Variants in MEGF11 observed in about 807,000 individuals in gnomAD.
The protein encoded by MEGF11 is multiple EGF like domains 11.
MEGF11 carries 126 observed loss-of-function variants against 146.6 expected under a neutral mutation model. The observed-to-expected ratio is 0.86, with a 90% CI of 0.74 to 1.00. The LOEUF (loss-of-function observed/expected upper bound fraction) is 1.00, where lower values mean the gene tolerates loss of function less well. Ranked by LOEUF, MEGF11 falls within the 50% of genes least tolerant of loss-of-function variation. The pLI is 0.00. For missense variants in MEGF11, 1,509 were observed against 1,521.2 expected, an observed-to-expected ratio of 0.99 and a Z score of 0.13; for synonymous variants, 532 against 583.4, an observed-to-expected ratio of 0.91 and a Z score of 1.27.
intron 21 of MEGF11, chr15:65,910,104 G>A (rs1344823357): frequency 5.4e-6 from 3 of 553,536 alleles, no homozygotes; most frequent in South Asian, 3.2e-5. Flanking sequence ...TTAGCTGGGG[G>A]GTGGGGCTGA....
At chr15:66,246,059 G>A (rs1005045064) in intron 1 of MEGF11, among the ~76,000 whole-genome samples, 2 of 151,914 alleles carry the variant, frequency 1.3e-5, no homozygotes, top group Non-Finnish European at 2.9e-5. Flanking sequence ...TCAGGAGTTC[G>A]AGACCAGGCC....
intron 5 of MEGF11, among the ~76,000 whole-genome samples, chr15:66,022,667 A>T (rs761488192): frequency 2.6e-5 from 4 of 151,390 alleles, no homozygotes; most frequent in Middle Eastern, 3.4e-3. Flanking sequence ...TCCACAAAAA[A>T]TTTTTTAAAA....
intron 10 of MEGF11, among the ~76,000 whole-genome samples, chr15:65,956,667 C>T (rs1425063618): frequency 6.6e-6 from 1 of 152,164 alleles, no homozygotes; most frequent in Non-Finnish European, 1.5e-5. Context: ...CATGCCCTGC[C>T]TTTGAACAGG....
At chr15:65,937,337 A>G (rs1457459933) in intron 10 of MEGF11, among the ~76,000 whole-genome samples, 1 of 151,930 alleles carries the variant, frequency 6.6e-6, no homozygotes, top group African/African-American at 2.4e-5. Flanking sequence ...TAGCCTAGCA[A>G]CTCTGCCTAC....
At position 65,929,874 on chromosome 15, in the gene MEGF11, C is replaced by G; in HGVS notation, c.1418G>C (p.Gly473Ala). 1.9e-6 allele frequency: 3 copies of G among 1,596,912 alleles called. No individual in the cohort carries two copies. The highest frequency in any genetic ancestry group is 1.7e-6 in the Non-Finnish European group (2 of 1,171,920). Residue 473 changes from glycine (G) to alanine (A), a missense_variant, in exon 12 of 26, where the codon GGC (glycine) becomes GCC (alanine). Physicochemically the swap from Gly to Ala is moderately conservative, Grantham distance 60 (BLOSUM62 0). Coordinates refer to ENST00000395614, the MANE Select transcript of MEGF11 (RefSeq NM_001385028.1). ...GSCTCKEGWQ[G>A]LDCTLPCPSG... is the part of the protein sequence containing the mutation. Reference sequence around the variant, plus strand: ...GGGACATGGCAGGGTGCAGTCCAGGCCCTGCCACCCTGAGGGGAGGGAAAG... The same window carrying G: ...GGGACATGGCAGGGTGCAGTCCAGGGCCTGCCACCCTGAGGGGAGGGAAAG...
intron 16 of MEGF11, 77 bp downstream of exon 16, chr15:65,917,889 G>T: frequency 6.3e-7 from 1 of 1,583,294 alleles, no homozygotes. Context: ...CACCAGGACA[G>T]AGAGGTTTTG....
chr15:65,931,655 G>T (rs2079579389), intron 10 of MEGF11, among the ~76,000 whole-genome samples: 1 of 152,194 alleles, frequency 6.6e-6, no homozygotes, highest in South Asian at 2.1e-4. Flanking sequence ...TCTGTATTAG[G>T]TCGAAGAAGC....
At chr15:66,234,691 G>A (rs1429703339) in intron 1 of MEGF11, among the ~76,000 whole-genome samples, 1 of 152,188 alleles carries the variant, frequency 6.6e-6, no homozygotes, top group East Asian at 1.9e-4. Context: ...GAAGATTCTG[G>A]AGCCAGCCTC....
At chr15:65,954,538 G>A (rs547238895) in intron 10 of MEGF11, among the ~76,000 whole-genome samples, 2 of 152,306 alleles carry the variant, frequency 1.3e-5, no homozygotes, top group Admixed American at 6.5e-5. Context: ...GCCTTTCCAG[G>A]AATAACGAGG....
intron 5 of MEGF11, among the ~76,000 whole-genome samples, chr15:66,093,132 G>T (rs2086388344): frequency 6.6e-6 from 1 of 152,150 alleles, no homozygotes; most frequent in Admixed American, 6.5e-5. Flanking sequence ...TGTGGTCACT[G>T]GAGGTCCTAA....
chr15:66,183,044 T>C lies in MEGF11; in HGVS notation c.-8-54633A>G, dbSNP rs2090595050. On this transcript the variant is annotated intron_variant, in intron 1 of 25. Transcript: ENST00000395614. ...TAACGCGATGTTGAGTGAGAAAAGC[T>C]GAAATGGAAGATTTGTAGCACAATA... Among the ~76,000 whole-genome samples the C allele has an allele frequency of 2.0e-5, 3 of 152,160 alleles. No homozygotes were observed. The South Asian group carries it at 6.2e-4, about 32-fold the overall frequency.
At chr15:66,195,153 G>T (rs935216776) in intron 1 of MEGF11, among the ~76,000 whole-genome samples, 1 of 152,168 alleles carries the variant, frequency 6.6e-6, no homozygotes, top group Non-Finnish European at 1.5e-5. Context: ...CTCTATGTCT[G>T]TGTCTTAATC....
chr15:65,967,773 A>T (rs1194307500), intron 8 of MEGF11, among the ~76,000 whole-genome samples: 1 of 152,138 alleles, frequency 6.6e-6, no homozygotes, highest in African/African-American at 2.4e-5. Flanking sequence ...CTTCCCAAGA[A>T]GATGCCACTA....
At chr15:65,968,705 C>G (rs1416744492) in intron 8 of MEGF11, among the ~76,000 whole-genome samples, 1 of 152,132 alleles carries the variant, frequency 6.6e-6, no homozygotes, top group African/African-American at 2.4e-5. Flanking sequence ...AATTAGTTTT[C>G]TACTTAAACA....
intron 4 of MEGF11, among the ~76,000 whole-genome samples, chr15:66,116,910 A>T (rs1000031763): frequency 2.6e-5 from 4 of 152,234 alleles, no homozygotes; most frequent in Non-Finnish European, 5.9e-5. Flanking sequence ...AGAGACAAGC[A>T]GCCTGCCCAA....
intron 5 of MEGF11, among the ~76,000 whole-genome samples, chr15:66,045,840 C>T (rs187487035): frequency 4.6e-5 from 7 of 152,222 alleles, no homozygotes; most frequent in East Asian, 1.9e-4. Flanking sequence ...CGGTGGCTCA[C>T]GACTGTAATC....
chr15:65,918,332 TA>T (rs2079069879), intron 15 of MEGF11, among the ~76,000 whole-genome samples: 1 of 152,232 alleles, frequency 6.6e-6, no homozygotes, highest in Non-Finnish European at 1.5e-5. Context: ...TGATTGCCTT[TA>T]AGAACAGCCT....
chr15:65,993,247 C>T (rs896316072), intron 5 of MEGF11, among the ~76,000 whole-genome samples: 1 of 152,206 alleles, frequency 6.6e-6, no homozygotes, highest in Non-Finnish European at 1.5e-5. Flanking sequence ...TTATACCATA[C>T]AGCAATGAGG....
chr15:66,099,204 CTTTTTTTT>C (rs10683767), intron 4 of MEGF11, among the ~76,000 whole-genome samples: 9 of 105,878 alleles, frequency 8.5e-5, no homozygotes, highest in Non-Finnish European at 1.2e-4. Flanking sequence ...CCTCCTTTTT[CTTTTTTTT>C]TTTTTTTTTT....
Sources: allele counts gnomAD v4.1 joint callset (sites outside exome capture counted in the v4.1 genomes callset), GRCh38; gene constraint gnomAD v4.1.1; transcripts MANE v1.5; gene names NCBI Gene and HGNC (gene_info 2026-07-23, HGNC 2026-07-21).